FNBP1L: variants seen among roughly 807,000 people sequenced by gnomAD.
The protein encoded by FNBP1L is formin-binding protein 1-like.
Under a neutral mutation model 91.2 loss-of-function variants are expected in FNBP1L, and 36 were observed. The ratio of observed to expected loss-of-function variants is 0.39; its 90% confidence interval spans 0.30 to 0.52. The LOEUF is 0.52. Among genes scored for constraint, FNBP1L ranks in the 20% least tolerant of loss-of-function variants. The pLI, the probability that FNBP1L is intolerant of heterozygous loss-of-function variation, is 0.66. For missense variants in FNBP1L, 571 were observed against 732.1 expected, an observed-to-expected ratio of 0.78 and a Z score of 2.54; for synonymous variants, 242 against 237.0, an observed-to-expected ratio of 1.02 and a Z score of -0.19.
At chr1:93,493,519 C>A (rs745520243) in intron 1 of FNBP1L, among the ~76,000 whole-genome samples, 14 of 152,152 alleles carry the variant, frequency 9.2e-5, no homozygotes, top group Non-Finnish European at 1.5e-4. Context: ...TAAATAACTC[C>A]CCATTCCTTC....
chr1:93,519,368 G>T (rs887715464), intron 2 of FNBP1L, among the ~76,000 whole-genome samples: 5 of 152,120 alleles, frequency 3.3e-5, no homozygotes, highest in African/African-American at 7.2e-5. Context: ...CTTCTCTAAT[G>T]AGCAGAATCC....
At chr1:93,469,949 T>A (rs923441951) in intron 1 of FNBP1L, among the ~76,000 whole-genome samples, 5 of 151,956 alleles carry the variant, frequency 3.3e-5, no homozygotes, top group Non-Finnish European at 7.4e-5. Flanking sequence ...GGCAACAGAG[T>A]GAGACTCTGA....
chr1:93,513,989 T>G (rs375781993), intron 2 of FNBP1L, among the ~76,000 whole-genome samples: 1 of 152,126 alleles, frequency 6.6e-6, no homozygotes, highest in Non-Finnish European at 1.5e-5. Context: ...TGTCCCTGTT[T>G]GCAGACGACA....
intron 10 of FNBP1L, among the ~76,000 whole-genome samples, chr1:93,539,640 C>G (rs988683285): frequency 8.6e-5 from 13 of 152,008 alleles, no homozygotes; most frequent in African/African-American, 3.1e-4. Flanking sequence ...AAGTCAAATT[C>G]ATATACTTCA....
chr1:93,490,866 T>C (rs564264487), intron 1 of FNBP1L, among the ~76,000 whole-genome samples: 41 of 152,242 alleles, frequency 2.7e-4, no homozygotes, highest in Non-Finnish European at 4.8e-4. Flanking sequence ...TCTCAGGCTT[T>C]GAAACTAAAG....
chr1:93,465,884 A>G (rs1669059529), intron 1 of FNBP1L, among the ~76,000 whole-genome samples: 2 of 152,146 alleles, frequency 1.3e-5, no homozygotes, highest in Admixed American at 6.5e-5. Flanking sequence ...TGACTTTTTA[A>G]TGATTGCCGT....
chr1:93,499,197 G>A (rs1338021546), intron 1 of FNBP1L, among the ~76,000 whole-genome samples: 2 of 152,130 alleles, frequency 1.3e-5, no homozygotes, highest in Admixed American at 1.3e-4. Context: ...GGGATTTGGG[G>A]AAGAGTTGAC....
intron 10 of FNBP1L, among the ~76,000 whole-genome samples, chr1:93,538,082 C>G (rs1166333199): frequency 6.6e-6 from 1 of 151,690 alleles, no homozygotes; most frequent in Non-Finnish European, 1.5e-5. Context: ...TTTGTATATC[C>G]TATATAATGA....
At chr1:93,483,261 G>A (rs959321630) in intron 1 of FNBP1L, among the ~76,000 whole-genome samples, 9 of 150,948 alleles carry the variant, frequency 6.0e-5, no homozygotes, top group East Asian at 1.9e-4. Context: ...GCAAGTTTTC[G>A]ATGTTGAATA....
intron 5 of FNBP1L, among the ~76,000 whole-genome samples, chr1:93,526,982 T>G (rs867399953): frequency 2.0e-5 from 3 of 152,188 alleles, no homozygotes; most frequent in Non-Finnish European, 4.4e-5. Context: ...AAGCTTAATT[T>G]TCATAGCAAA....
chr1:93,552,213 T>C, intron 16 of FNBP1L, 196 bp from the exon 17 acceptor site: 2 of 1,365,550 alleles, frequency 1.5e-6, no homozygotes, highest in Non-Finnish European at 9.4e-7. Context: ...GAGTCAGTGG[T>C]GTGGGGAAGT....
intron 12 of FNBP1L, among the ~76,000 whole-genome samples, chr1:93,544,654 A>G (rs1672157268): frequency 6.6e-6 from 1 of 152,122 alleles, no homozygotes; most frequent in Non-Finnish European, 1.5e-5. Context: ...TTTCATTTTT[A>G]TAAGACGTTT....
At position 93,480,624 on chromosome 1, in the gene FNBP1L, C is replaced by T. The variant is rs140061023; in HGVS notation, c.25-18844C>T. On this transcript the variant is annotated intron_variant, in intron 1 of 16. Transcript: ENST00000271234. ...TAATTTTTTTTGAGAGGGACTCTGTCGCCCAGGCTGGAGTGCAGTGGCACA... is the reference window on the plus strand; with the variant it reads ...TAATTTTTTTTGAGAGGGACTCTGTTGCCCAGGCTGGAGTGCAGTGGCACA... Among the ~76,000 whole-genome samples the T allele has an allele frequency of 5.3e-3, 806 of 151,256 alleles. 10 individuals carry two copies. The highest frequency in any genetic ancestry group is 0.018 in the African/African-American group (748 of 41,176).
At position 93,511,030 on chromosome 1, in the gene FNBP1L, T is replaced by G. The variant is rs538327600; in HGVS notation, c.141-11052T>G. ...AATGGAACCAAGTTGGAAAACACTCTGCAGGATATTATCCAGGAGAACTTC... is the reference window on the plus strand; with the variant it reads ...AATGGAACCAAGTTGGAAAACACTCGGCAGGATATTATCCAGGAGAACTTC... On this transcript the variant is annotated intron_variant, in intron 2 of 16. Transcript: ENST00000271234. 3.9e-3 allele frequency among the ~76,000 whole-genome samples: 593 copies of G among 152,320 alleles called. 12 individuals carry two copies. Among genetic ancestry groups the G allele is most frequent in the Admixed American group, 0.034 (525 of 15,302 alleles).
intron 1 of FNBP1L, among the ~76,000 whole-genome samples, chr1:93,481,957 T>G (rs2101708597): frequency 6.6e-6 from 1 of 152,044 alleles, no homozygotes. Context: ...CCCAGGAGTT[T>G]GAGACCAGAC....
chr1:93,455,344 C>T (rs989848139), intron 1 of FNBP1L, among the ~76,000 whole-genome samples: 5 of 152,338 alleles, frequency 3.3e-5, no homozygotes, highest in Middle Eastern at 3.4e-3. Context: ...AGGCATGTGC[C>T]ACCATACCTA....
At chr1:93,491,200 C>T (rs1432936802) in intron 1 of FNBP1L, among the ~76,000 whole-genome samples, 2 of 152,200 alleles carry the variant, frequency 1.3e-5, no homozygotes, top group African/African-American at 4.8e-5. Context: ...CCCACCTTGG[C>T]CTCCCAAGTG....
chr1:93,466,557 C>T (rs1420620383), intron 1 of FNBP1L, among the ~76,000 whole-genome samples: 1 of 152,076 alleles, frequency 6.6e-6, no homozygotes, highest in African/African-American at 2.4e-5. Context: ...TTCCATTGGT[C>T]TATATTTCTG....
intron 1 of FNBP1L, among the ~76,000 whole-genome samples, chr1:93,469,569 G>A (rs988557287): frequency 6.6e-6 from 1 of 152,116 alleles, no homozygotes; most frequent in Non-Finnish European, 1.5e-5. Flanking sequence ...TGTCTTTATA[G>A]TAGCATGATT....
Sources: gnomAD v4.1 joint callset for allele counts (sites outside exome capture counted in the v4.1 genomes callset) on GRCh38, gnomAD v4.1.1 for gene constraint, MANE v1.5 for transcripts, NCBI Gene and HGNC (gene_info 2026-07-23, HGNC 2026-07-21) for gene names.